COBL: variants seen among roughly 807,000 people sequenced by gnomAD.
The protein encoded by COBL is cordon-bleu WH2 repeat protein.
In COBL, 51 loss-of-function variants were observed where a neutral mutation model predicts 98.8. The observed-to-expected ratio is 0.52, with a 90% CI of 0.41 to 0.65. The LOEUF (loss-of-function observed/expected upper bound fraction) is 0.65, where lower values mean the gene tolerates loss of function less well. Ranked by LOEUF, COBL falls within the 30% of genes least tolerant of loss-of-function variation. COBL has a pLI of 0.00. For synonymous variants in COBL, 634 were observed against 651.7 expected, an observed-to-expected ratio of 0.97 and a Z score of 0.41; for missense variants, 1,617 against 1,617.5, an observed-to-expected ratio of 1.00 and a Z score of 0.01.
At chr7:51,283,433 T>C (rs1435559923) in intron 1 of COBL, among the ~76,000 whole-genome samples, 1 of 152,234 alleles carries the variant, frequency 6.6e-6, no homozygotes, top group Non-Finnish European at 1.5e-5. Flanking sequence ...CATTAAAGAT[T>C]AAATAGATAA....
chr7:51,227,935 G>A (rs1001144001), intron 1 of COBL, among the ~76,000 whole-genome samples: 5 of 152,130 alleles, frequency 3.3e-5, no homozygotes, highest in African/African-American at 4.8e-5. Flanking sequence ...ATGTGTCTAT[G>A]AAACAATCAC....
chr7:51,245,320 C>CT (rs2129129190), intron 1 of COBL, among the ~76,000 whole-genome samples: 1 of 152,328 alleles, frequency 6.6e-6, no homozygotes, highest in Admixed American at 6.5e-5. Flanking sequence ...AGCCCATACT[C>CT]TTTCATCTTC....
intron 5 of COBL, among the ~76,000 whole-genome samples, chr7:51,182,862 G>C (rs1199032086): frequency 3.9e-5 from 6 of 152,156 alleles, no homozygotes. Context: ...CAGCAGAGGT[G>C]AATCTGAGGT....
chr7:51,082,555 C>T (rs549001545), intron 7 of COBL, among the ~76,000 whole-genome samples: 1 of 152,336 alleles, frequency 6.6e-6, no homozygotes, highest in Non-Finnish European at 1.5e-5. Flanking sequence ...GCTGCTTCCC[C>T]TTCTCGTACA....
chr7:51,154,875 G>T (rs1387483381), intron 5 of COBL, among the ~76,000 whole-genome samples: 2 of 152,152 alleles, frequency 1.3e-5, no homozygotes, highest in African/African-American at 4.8e-5. Context: ...CTCTGACATG[G>T]GATATAAAGT....
At chr7:51,164,145 TTTTG>T (rs1290366915) in intron 5 of COBL, among the ~76,000 whole-genome samples, 7 of 152,208 alleles carry the variant, frequency 4.6e-5, no homozygotes, top group South Asian at 4.1e-4. Flanking sequence ...CAAGAGGGTT[TTTTG>T]TTTGTTTTCC....
intron 1 of COBL, among the ~76,000 whole-genome samples, chr7:51,303,426 CCTGA>C (rs1487846836): frequency 6.6e-6 from 1 of 152,124 alleles, no homozygotes; most frequent in Non-Finnish European, 1.5e-5. Flanking sequence ...TCTGTGCGCA[CCTGA>C]CTTGACCATG....
chr7:51,140,518 CACAA>C (rs1799638843), intron 5 of COBL, among the ~76,000 whole-genome samples: 1 of 152,230 alleles, frequency 6.6e-6, no homozygotes, highest in African/African-American at 2.4e-5. Flanking sequence ...TTTACACACA[CACAA>C]ACATTTATGT....
intron 1 of COBL, among the ~76,000 whole-genome samples, chr7:51,274,942 C>T (rs1799151539): frequency 1.3e-5 from 2 of 152,162 alleles, no homozygotes; most frequent in African/African-American, 2.4e-5. Flanking sequence ...TGCATATGTA[C>T]GCACATGGCT....
At chr7:51,032,632 C>T (rs982971177) in intron 8 of COBL, 3 of 152,170 alleles carry the variant, frequency 2.0e-5, no homozygotes, top group Non-Finnish European at 2.9e-5. Flanking sequence ...AGCTAATGTC[C>T]TCTGACAAGC....
chr7:51,136,423 C>A, intron 5 of COBL, 92 bp from the exon 6 acceptor site: 1 of 1,337,160 alleles, frequency 7.5e-7, no homozygotes, highest in South Asian at 1.5e-5. Flanking sequence ...TCCAATCCGT[C>A]CACCTGAGCT....
At chr7:51,265,485 G>A (rs1798114150) in intron 1 of COBL, among the ~76,000 whole-genome samples, 1 of 152,216 alleles carries the variant, frequency 6.6e-6, no homozygotes, top group African/African-American at 2.4e-5. Flanking sequence ...ACAGGTCGAG[G>A]TGAGGCAGGG....
chr7:51,017,465 T>G lies in COBL; in HGVS notation c.*86A>C. ...TAGACAAGAAAGTAACACCAAAACT[T>G]GATGTTCCTGGCTATGCAGACTCCT... is the stretch of plus-strand genomic sequence containing the variant. On this transcript the variant is annotated 3_prime_UTR_variant, in exon 13 of 13. Transcript: ENST00000265136. 1 of 1,405,286 alleles carries G rather than the reference T, an allele frequency of 7.1e-7. No individual in the cohort carries two copies. The highest frequency in any genetic ancestry group is 1.2e-5 in the South Asian group (1 of 86,718). 87.1% of individuals were successfully genotyped at this position (1,405,286 alleles called of 1,614,324 possible).
chr7:51,037,456 A>G (rs1362927932), intron 8 of COBL, among the ~76,000 whole-genome samples: 1 of 152,172 alleles, frequency 6.6e-6, no homozygotes, highest in Non-Finnish European at 1.5e-5. Flanking sequence ...AGATTAAGTG[A>G]TTCTTTAACT....
chr7:51,072,273 CT>C lies in COBL; in HGVS notation c.1096+12892del, dbSNP rs372453859. ...ATCAAAGCAAGCAAGAACTAGTTGT[CT>C]TTTTATCTAAACCTTGAATTTTAAC... On this transcript the variant is annotated intron_variant, in intron 7 of 12. Coordinates refer to ENST00000265136, the MANE Select transcript of COBL (RefSeq NM_015198.5). 2.9e-3 allele frequency: 446 copies of C among 152,168 alleles called. 3 individuals carry two copies. Among genetic ancestry groups the C allele is most frequent in the African/African-American group, 0.01 (431 of 41,510 alleles). The allele number at this position is 152,168 out of a possible 1,614,324, so 9.4% of individuals were successfully genotyped here.
At chr7:51,069,669 C>T (rs1048822408) in intron 7 of COBL, among the ~76,000 whole-genome samples, 14 of 152,348 alleles carry the variant, frequency 9.2e-5, no homozygotes, top group East Asian at 3.9e-4. Flanking sequence ...ATCTGCCATC[C>T]ATTTCCATCC....
chr7:51,135,230 C>T (rs1487311607), intron 6 of COBL, among the ~76,000 whole-genome samples: 4 of 152,034 alleles, frequency 2.6e-5, no homozygotes, highest in Non-Finnish European at 5.9e-5. Flanking sequence ...CCCAAAGCGC[C>T]GGGATTACAG....
At chr7:51,200,678 G>A (rs150471966) in intron 2 of COBL, among the ~76,000 whole-genome samples, 2,151 of 152,140 alleles carry the variant, frequency 0.014, 50 homozygotes, top group African/African-American at 0.049. Flanking sequence ...ACACTGCTAC[G>A]ATAATCAAAC....
At chr7:51,315,053 AG>A (rs1473737289) in intron 1 of COBL, among the ~76,000 whole-genome samples, 1 of 152,214 alleles carries the variant, frequency 6.6e-6, no homozygotes, top group African/African-American at 2.4e-5. Flanking sequence ...TTTATTTATA[AG>A]GTGATAGTGA....
Sources: gnomAD v4.1 joint callset for allele counts (sites outside exome capture counted in the v4.1 genomes callset) on GRCh38, gnomAD v4.1.1 for gene constraint, MANE v1.5 for transcripts, NCBI Gene and HGNC (gene_info 2026-07-23, HGNC 2026-07-21) for gene names.